MDFIC2: variants seen among roughly 807,000 people sequenced by gnomAD.
The protein encoded by MDFIC2 is MyoD family inhibitor domain containing 2, also known as myoD family inhibitor domain-containing protein 2.
intron 2 of MDFIC2, among the ~76,000 whole-genome samples, chr3:70,236,889 G>A (rs1004979543): frequency 3.3e-5 from 5 of 152,244 alleles, no homozygotes; most frequent in Middle Eastern, 3.4e-3. Flanking sequence ...CAGCCACTGC[G>A]CCTAGCAGAA....
chr3:70,306,417 C>T (rs953961048), intron 2 of MDFIC2, among the ~76,000 whole-genome samples: 31 of 152,122 alleles, frequency 2.0e-4, no homozygotes, highest in Admixed American at 6.5e-4. Context: ...GGCCAATAAT[C>T]GTTTTTATAT....
intron 2 of MDFIC2, among the ~76,000 whole-genome samples, chr3:70,299,632 A>G (rs921378670): frequency 6.6e-6 from 1 of 152,114 alleles, no homozygotes; most frequent in Admixed American, 6.6e-5. Context: ...CTGAAAACCA[A>G]TATCTCAAAT....
chr3:70,277,110 T>C (rs9855222), intron 2 of MDFIC2, among the ~76,000 whole-genome samples: 107,569 of 152,120 alleles, frequency 0.71, 39,997 homozygotes, highest in Non-Finnish European at 0.84. Context: ...AAACATTGGC[T>C]AAGTCTGTGT....
At chr3:70,273,571 G>A (rs927731538) in intron 2 of MDFIC2, among the ~76,000 whole-genome samples, 1 of 151,994 alleles carries the variant, frequency 6.6e-6, no homozygotes, top group African/African-American at 2.4e-5. Flanking sequence ...GAGCTATGAG[G>A]ACATTAAAAA....
At chr3:70,212,391 G>T (rs753595045) in intron 2 of MDFIC2, among the ~76,000 whole-genome samples, 2 of 152,096 alleles carry the variant, frequency 1.3e-5, no homozygotes. Flanking sequence ...TATCCCTGGA[G>T]AATTCACAGT....
At chr3:70,230,920 C>T (rs1212971487) in intron 2 of MDFIC2, among the ~76,000 whole-genome samples, 1 of 152,174 alleles carries the variant, frequency 6.6e-6, no homozygotes, top group Non-Finnish European at 1.5e-5. Context: ...CAAACTTCCA[C>T]TTTTCAATTT....
rs567100505 is a variant in MDFIC2, at chr3:70,273,102, G to C, written c.88+38784C>G. ...GTGACCCAAGTTTTGTCTGGGAAAG[G>C]CTGCCGTTACAAGGAAGATGAATAC... On this transcript the variant is annotated intron_variant, in intron 2 of 3. Coordinates refer to ENST00000567252, the MANE Select transcript of MDFIC2 (RefSeq NM_001364677.1). 3.3e-5 allele frequency among the ~76,000 whole-genome samples: 5 copies of C among 152,264 alleles called. No homozygotes were observed. The East Asian group carries it at 9.7e-4, about 29-fold the overall frequency.
chr3:70,264,332 A>G (rs1701895746), intron 2 of MDFIC2, among the ~76,000 whole-genome samples: 7 of 152,186 alleles, frequency 4.6e-5, no homozygotes, highest in Admixed American at 3.9e-4. Context: ...TCACGTTTAC[A>G]TATTTAGAAA....
chr3:70,288,692 C>G (rs1702193632), intron 2 of MDFIC2, among the ~76,000 whole-genome samples: 1 of 151,898 alleles, frequency 6.6e-6, no homozygotes, highest in South Asian at 2.1e-4. Flanking sequence ...GTGTGGAAGT[C>G]TAAGTCTCTT....
chr3:70,232,404 A>ATTTTT (rs200752002), intron 2 of MDFIC2, among the ~76,000 whole-genome samples: 2 of 145,056 alleles, frequency 1.4e-5, no homozygotes, highest in African/African-American at 2.5e-5. Flanking sequence ...TGATGTTCCT[A>ATTTTT]TTTTTTTTTT....
At chr3:70,263,188 C>T (rs1017730592) in intron 2 of MDFIC2, among the ~76,000 whole-genome samples, 1 of 151,932 alleles carries the variant, frequency 6.6e-6, no homozygotes, top group African/African-American at 2.4e-5. Flanking sequence ...ACTGATTTTT[C>T]CTTCTGGTTA....
chr3:70,255,503 C>T (rs949902869), intron 2 of MDFIC2, among the ~76,000 whole-genome samples: 1 of 152,182 alleles, frequency 6.6e-6, no homozygotes, highest in South Asian at 2.1e-4. Flanking sequence ...TTAACTGCAG[C>T]CTTGACCACC....
chr3:70,222,283 C>T (rs1559538645), intron 2 of MDFIC2, among the ~76,000 whole-genome samples: 2 of 152,186 alleles, frequency 1.3e-5, no homozygotes, highest in Non-Finnish European at 1.5e-5. Context: ...CTCTTTGAAA[C>T]TTCAGGTCCT....
chr3:70,207,662 T>A (rs1174866828), intron 2 of MDFIC2, among the ~76,000 whole-genome samples: 2 of 151,896 alleles, frequency 1.3e-5, no homozygotes, highest in Non-Finnish European at 2.9e-5. Flanking sequence ...ACAATAAAAA[T>A]GATACAAATA....
At chr3:70,207,881 T>C (rs1030297026) in intron 2 of MDFIC2, among the ~76,000 whole-genome samples, 2 of 152,032 alleles carry the variant, frequency 1.3e-5, no homozygotes, top group Non-Finnish European at 2.9e-5. Context: ...GAGGGACAAC[T>C]GTATGCATTC....
chr3:70,194,736 G>A lies in MDFIC2; in HGVS notation c.*2190C>T, dbSNP rs1433037240. On this transcript the variant is annotated 3_prime_UTR_variant, in exon 4 of 4. Transcript: ENST00000567252. ...ATGCACAATCTTTGCATAATTTGAGGGTATGTAGAGTAGAAAGAATAAGGG... is the reference window on the plus strand; with the variant it reads ...ATGCACAATCTTTGCATAATTTGAGAGTATGTAGAGTAGAAAGAATAAGGG... Among the ~76,000 whole-genome samples the A allele has an allele frequency of 6.6e-6, 1 of 152,080 alleles. No individual in the cohort carries two copies. The highest frequency in any genetic ancestry group is 1.5e-5 in the Non-Finnish European group (1 of 68,028).
At chr3:70,215,936 A>C (rs1257924719) in intron 2 of MDFIC2, among the ~76,000 whole-genome samples, 2 of 152,052 alleles carry the variant, frequency 1.3e-5, no homozygotes, top group Non-Finnish European at 1.5e-5. Context: ...AAGTCTATAA[A>C]TTTCTGTCTT....
At chr3:70,244,883 A>G (rs1181124185) in intron 2 of MDFIC2, among the ~76,000 whole-genome samples, 2 of 152,198 alleles carry the variant, frequency 1.3e-5, no homozygotes, top group African/African-American at 4.8e-5. Context: ...AGAATAATGT[A>G]CTTTAAAAAG....
chr3:70,208,386 C>T (rs974620364), intron 2 of MDFIC2, among the ~76,000 whole-genome samples: 4 of 152,082 alleles, frequency 2.6e-5, no homozygotes, highest in Non-Finnish European at 1.5e-5. Context: ...ATTTCCCTTT[C>T]CAAGGTTGTT....
Sources: allele counts gnomAD v4.1 joint callset (sites outside exome capture counted in the v4.1 genomes callset), GRCh38; gene constraint gnomAD v4.1.1; transcripts MANE v1.5; gene names NCBI Gene and HGNC (gene_info 2026-07-23, HGNC 2026-07-21).